The following EFCAB6 variants were observed in gnomAD, a reference collection of about 807,000 sequenced individuals.
EFCAB6 encodes EF-hand calcium-binding domain-containing protein 6.
Under a neutral mutation model 169.8 loss-of-function variants are expected in EFCAB6, and 156 were observed. The ratio of observed to expected loss-of-function variants is 0.92; its 90% CI spans 0.81 to 1.05. The LOEUF is 1.05. EFCAB6 is among the 50% of genes least tolerant of loss of function. The pLI is 0.00. For synonymous variants in EFCAB6, 698 were observed against 676.4 expected (o/e 1.03, Z -0.50); for missense variants, 1,800 against 1,829.1 (o/e 0.98, Z 0.29).
At chr22:43,659,354 T>TA (rs938049648) in intron 17 of EFCAB6, among the ~76,000 whole-genome samples, 16 of 152,082 alleles carry the variant, frequency 1.1e-4, no homozygotes, top group African/African-American at 3.6e-4. Flanking sequence ...TATTTGACTT[T>TA]AAAAAAAATC....
chr22:43,569,759 T>G (rs906689961), intron 26 of EFCAB6, among the ~76,000 whole-genome samples: 2 of 152,200 alleles, frequency 1.3e-5, no homozygotes, highest in Non-Finnish European at 2.9e-5. Context: ...GTAGTGAATT[T>G]TGCATTGGCA....
chr22:43,755,326 T>C (rs2060915457), intron 6 of EFCAB6, among the ~76,000 whole-genome samples: 1 of 152,236 alleles, frequency 6.6e-6, no homozygotes, highest in African/African-American at 2.4e-5. Flanking sequence ...ACATAGTAGC[T>C]TTCATGGCTA....
At chr22:43,652,441 A>C (rs2056518719) in intron 17 of EFCAB6, among the ~76,000 whole-genome samples, 1 of 152,152 alleles carries the variant, frequency 6.6e-6, no homozygotes, top group Non-Finnish European at 1.5e-5. Context: ...TTTCAGTCTC[A>C]GGTATGTCTT....
chr22:43,643,707 C>G (rs1391273351), intron 17 of EFCAB6, among the ~76,000 whole-genome samples: 1 of 152,232 alleles, frequency 6.6e-6, no homozygotes, highest in African/African-American at 2.4e-5. Context: ...TGTTTCTTCA[C>G]CAACTGTTGT....
intron 19 of EFCAB6, among the ~76,000 whole-genome samples, chr22:43,631,754 T>G (rs566193086): frequency 6.6e-6 from 1 of 152,166 alleles, no homozygotes; most frequent in African/African-American, 2.4e-5. Flanking sequence ...GTATAACACT[T>G]GTTTGGTGGG....
intron 27 of EFCAB6, among the ~76,000 whole-genome samples, chr22:43,547,727 T>C (rs1170840403): frequency 6.7e-6 from 1 of 149,702 alleles, no homozygotes; most frequent in East Asian, 2.0e-4. Context: ...ATCATGCCAC[T>C]GCACTCAAGC....
chr22:43,755,947 G>A (rs1490740429), intron 5 of EFCAB6, 115 bp from the exon 6 acceptor site: 1 of 1,049,402 alleles, frequency 9.5e-7, no homozygotes, highest in Non-Finnish European at 1.3e-6. Context: ...TAAAATGCAA[G>A]GTATTTCTTA....
At chr22:43,670,794 G>C (rs2057455558) in intron 15 of EFCAB6, among the ~76,000 whole-genome samples, 1 of 152,222 alleles carries the variant, frequency 6.6e-6, no homozygotes, top group South Asian at 2.1e-4. Context: ...TGGTCTGAAA[G>C]TCCAGGGGCA....
chr22:43,622,788 A>C (rs1159091561), intron 20 of EFCAB6, among the ~76,000 whole-genome samples: 2 of 152,220 alleles, frequency 1.3e-5, no homozygotes, highest in African/African-American at 4.8e-5. Flanking sequence ...AAATGATAGA[A>C]TCACCTGGCA....
chr22:43,655,056 G>A (rs1186686106), intron 17 of EFCAB6, among the ~76,000 whole-genome samples: 3 of 152,128 alleles, frequency 2.0e-5, no homozygotes, highest in East Asian at 1.9e-4. Context: ...TCAGGAGTTC[G>A]AGACCAGCCT....
chr22:43,578,001 T>C (rs2050372353), intron 25 of EFCAB6, among the ~76,000 whole-genome samples: 1 of 152,006 alleles, frequency 6.6e-6, no homozygotes, highest in Non-Finnish European at 1.5e-5. Context: ...GTCATGACAC[T>C]AACTAAGGTC....
At position 43,735,131 on chromosome 22, in the gene EFCAB6, A is replaced by G. The variant is rs549549512; in HGVS notation, c.644+726T>C. On this transcript the variant is annotated intron_variant, in intron 7 of 31. Transcript: ENST00000262726. ...CATCTTCCAGTGGCTTTCACTCAAA[A>G]CTCATGTAGTCACAGAAGCCAAACA... Among the ~76,000 whole-genome samples the G allele has an allele frequency of 2.0e-5, 3 of 152,186 alleles. No homozygotes were observed. In the South Asian group the frequency reaches 6.2e-4, roughly 32 times the overall value.
chr22:43,692,359 T>G (rs1264908261), intron 10 of EFCAB6, among the ~76,000 whole-genome samples: 1 of 152,008 alleles, frequency 6.6e-6, no homozygotes, highest in South Asian at 2.1e-4. Flanking sequence ...ATATAGCACA[T>G]AAGAACAACC....
intron 27 of EFCAB6, chr22:43,540,598 T>C (rs979134177): frequency 6.9e-7 from 1 of 1,442,484 alleles, no homozygotes. Context: ...CATTTTTTAA[T>C]TGAATTGGGC....
intron 24 of EFCAB6, among the ~76,000 whole-genome samples, chr22:43,589,280 C>CAAAAAAAAAAAAAAA (rs1163346832): frequency 1.2e-5 from 1 of 80,932 alleles, no homozygotes; most frequent in Non-Finnish European, 2.4e-5. Flanking sequence ...GACTTCATGT[C>CAAAAAAAAAAAAAAA]AAAAAAAAAA....
intron 19 of EFCAB6, among the ~76,000 whole-genome samples, chr22:43,629,104 G>A (rs774274643): frequency 2.6e-5 from 4 of 152,202 alleles, no homozygotes; most frequent in African/African-American, 4.8e-5. Flanking sequence ...GCAATCCAGC[G>A]TGATTACTGC....
At chr22:43,774,179 C>T (rs939418373) in intron 3 of EFCAB6, among the ~76,000 whole-genome samples, 30 of 151,954 alleles carry the variant, frequency 2.0e-4, no homozygotes, top group Middle Eastern at 3.4e-3. Flanking sequence ...CAAGCTATTG[C>T]ACATTTCTGG....
Position 43,737,445 on chromosome 22 carries a change from T to C in EFCAB6, c.508-1452A>G, listed in dbSNP as rs538212878. On this transcript the variant is annotated intron_variant, in intron 6 of 31. Transcript: ENST00000262726. ...ATACACACCATCACTCACACACACA[T>C]ATATTCATACACACACACCCCTGTG... Among the ~76,000 whole-genome samples, 572 of 139,614 alleles carry C rather than the reference T, an allele frequency of 4.1e-3. 1 individual carries two copies. The highest frequency in any genetic ancestry group is 8.9e-3 in the Middle Eastern group (2 of 224). The allele number at this position is 139,614 out of a possible 152,430, so 91.6% of individuals were successfully genotyped here.
chr22:43,648,394 T>G (rs2148034056), intron 17 of EFCAB6, among the ~76,000 whole-genome samples: 1 of 152,252 alleles, frequency 6.6e-6, no homozygotes, highest in East Asian at 1.9e-4. Flanking sequence ...AAGACTGAAA[T>G]CATGTCCTTT....
Sources: allele counts gnomAD v4.1 joint callset (sites outside exome capture counted in the v4.1 genomes callset), GRCh38; gene constraint gnomAD v4.1.1; transcripts MANE v1.5; gene names NCBI Gene and HGNC (gene_info 2026-07-23, HGNC 2026-07-21).